CENPE: variants seen among roughly 807,000 people sequenced by gnomAD.
The protein encoded by CENPE is centromere-associated protein E.
Under a neutral mutation model 336.1 loss-of-function variants are expected in CENPE, and 145 were observed. The observed-to-expected ratio is 0.43, with a 90% CI of 0.38 to 0.50. CENPE has a LOEUF of 0.50. CENPE is among the 20% of genes least tolerant of loss of function. The probability of loss-of-function intolerance (pLI) is 0.00; values close to 1 mark genes in which losing one functional copy is unlikely to be tolerated. For synonymous variants in CENPE, 1,013 were observed against 984.8 expected, an observed-to-expected ratio of 1.03 and a Z score of -0.54; for missense variants, 2,719 against 3,023.3, an observed-to-expected ratio of 0.90 and a Z score of 2.36.
intron 31 of CENPE, 86 bp downstream of exon 31, chr4:103,145,437 A>T: frequency 7.1e-7 from 1 of 1,404,662 alleles, no homozygotes; most frequent in South Asian, 1.4e-5. Context: ...AAAACAATTA[A>T]GCATGCCAAA....
At chr4:103,129,689 A>G (rs1217384406) in intron 42 of CENPE, among the ~76,000 whole-genome samples, 1 of 151,944 alleles carries the variant, frequency 6.6e-6, no homozygotes, top group Non-Finnish European at 1.5e-5. Flanking sequence ...GTGCCATTAC[A>G]CTCCAGCCTG....
chr4:103,137,800 T>A (rs754217792), intron 39 of CENPE, among the ~76,000 whole-genome samples: 2 of 152,198 alleles, frequency 1.3e-5, no homozygotes, highest in Non-Finnish European at 2.9e-5. Context: ...ATGGTCTTCC[T>A]GCTTCCACTC....
At chr4:103,149,726 T>G (rs545844167) in intron 26 of CENPE, among the ~76,000 whole-genome samples, 2 of 152,122 alleles carry the variant, frequency 1.3e-5, no homozygotes, top group Non-Finnish European at 2.9e-5. Flanking sequence ...TAAAAGCACA[T>G]AGAGAGGCAC....
intron 42 of CENPE, among the ~76,000 whole-genome samples, chr4:103,130,911 G>GAAAAA (rs59305096): frequency 1.9e-5 from 2 of 106,842 alleles, no homozygotes; most frequent in Admixed American, 9.7e-5. Context: ...TTCTACAAGC[G>GAAAAA]AAAAAAAAAA....
intron 9 of CENPE, among the ~76,000 whole-genome samples, chr4:103,183,862 T>C (rs1205053989): frequency 1.3e-5 from 2 of 152,220 alleles, no homozygotes; most frequent in Non-Finnish European, 2.9e-5. Flanking sequence ...TTCACTGATA[T>C]CAATAGTAAC....
chr4:103,145,071 G>A lies in CENPE; in HGVS notation c.4836C>T (p.Asn1612=). ...LQIERDQLKE[N]TKEIVAKMKE... ...TTACTTTAGCTACAATTTCTTTAGT[G>A]TTTTCTTTCAGTTGGTCTCTCTCTA... Residue 1612 remains asparagine (N), a synonymous_variant, in exon 32 of 49, where the codon AAC becomes AAT. Transcript: ENST00000265148. 2 of 1,514,798 alleles carry A rather than the reference G, an allele frequency of 1.3e-6. No individual in the cohort carries two copies. Among genetic ancestry groups the A allele is most frequent in the Non-Finnish European group, 8.8e-7 (1 of 1,136,262 alleles). The allele number at this position is 1,514,798 out of a possible 1,614,324, so 93.8% of individuals were successfully genotyped here.
intron 8 of CENPE, among the ~76,000 whole-genome samples, chr4:103,193,028 T>C (rs1757486630): frequency 3.3e-5 from 5 of 151,602 alleles, no homozygotes; most frequent in Admixed American, 3.3e-4. Flanking sequence ...GGCCAGGAGA[T>C]AATCAGAAAA....
chr4:103,145,882 G>T lies in CENPE; in HGVS notation c.4360C>A (p.Leu1454Ile), dbSNP rs1753010808. The part of the protein sequence containing the change: ...KDDLQRLQEV[L>I]QSESDQLKEN... Reference sequence around the variant, plus strand: ...TTGAGCTGGTCACTTTCAGATTGAAGAACTTCTTGCAGCCTCTGTAGGTCA... The same window carrying T: ...TTGAGCTGGTCACTTTCAGATTGAATAACTTCTTGCAGCCTCTGTAGGTCA... The change falls in exon 30 of 49, where the codon CTT (leucine) becomes ATT (isoleucine). Residue 1454 changes from leucine (L) to isoleucine (I), a missense_variant. By Grantham distance (5) the Leu-to-Ile change is conservative. Transcript: ENST00000265148. 1 of 1,613,328 alleles carries T rather than the reference G, an allele frequency of 6.2e-7. No homozygotes were observed. The highest frequency in any genetic ancestry group is 1.1e-5 in the South Asian group (1 of 90,886).
intron 11 of CENPE, among the ~76,000 whole-genome samples, chr4:103,182,379 G>A (rs2126022732): frequency 6.6e-6 from 1 of 152,214 alleles, no homozygotes; most frequent in South Asian, 2.1e-4. Flanking sequence ...TAACTACCAG[G>A]AATTTCAGAA....
chr4:103,160,821 A>G, intron 20 of CENPE, 42 bp from the exon 21 acceptor site: 6 of 1,486,984 alleles, frequency 4.0e-6, no homozygotes, highest in Non-Finnish European at 5.4e-6. Context: ...CAATGTTGCC[A>G]AACAGGTAAT....
rs566404615 is a variant in CENPE, at chr4:103,123,483, C to A, written c.6925-394G>T. Among the ~76,000 whole-genome samples, 195 of 152,066 alleles carry A rather than the reference C, an allele frequency of 1.3e-3. 3 individuals carry two copies. The highest frequency in any genetic ancestry group is 4.7e-3 in the Admixed American group (72 of 15,268). ...GCAATTTAGATATGCCACCGTGAAG[C>A]TGTCAAGTGCTTCTTGTAAGTGAGA... is the stretch of plus-strand genomic sequence containing the variant. On this transcript the variant is annotated intron_variant, in intron 42 of 48. Transcript: ENST00000265148.
In CENPE at chr4:103,145,177, C is replaced by G; in HGVS notation, c.4730G>C (p.Arg1577Thr). ...TATTTCTTCTTGACTTTCTTGAAGT[C>G]TGTTGGTCAACTCGAGCATCTTACT... ...IESKMLELTN[R>T]LQESQEEIQI... The change falls in exon 32 of 49, where the codon AGA becomes ACA. Residue 1577 changes from arginine (R) to threonine (T), a missense_variant. Physicochemically the swap from Arg to Thr is moderately conservative, Grantham distance 71. Coordinates refer to ENST00000265148, the MANE Select transcript of CENPE (RefSeq NM_001813.3). 6 of 1,613,478 alleles carry G rather than the reference C, an allele frequency of 3.7e-6. No individual in the cohort carries two copies. Among genetic ancestry groups the G allele is most frequent in the Non-Finnish European group, 4.2e-6 (5 of 1,179,710 alleles).
intron 45 of CENPE, among the ~76,000 whole-genome samples, chr4:103,116,182 C>A (rs1750093742): frequency 6.6e-6 from 1 of 151,904 alleles, no homozygotes; most frequent in Non-Finnish European, 1.5e-5. Context: ...ATAATCTTCA[C>A]ACAGAAACAC....
At chr4:103,190,769 C>A (rs898257873) in intron 8 of CENPE, among the ~76,000 whole-genome samples, 1 of 152,108 alleles carries the variant, frequency 6.6e-6, no homozygotes, top group African/African-American at 2.4e-5. Flanking sequence ...AAAGCAATGA[C>A]AACAAAAGCC....
At chr4:103,188,176 A>C (rs1756969820) in intron 8 of CENPE, among the ~76,000 whole-genome samples, 1 of 152,126 alleles carries the variant, frequency 6.6e-6, no homozygotes. Flanking sequence ...AGAGACTTAG[A>C]CTCCCACACA....
In CENPE at chr4:103,194,976, T is replaced by C. The variant is rs1005688113; in HGVS notation, c.477+138A>G. ...ATTCATATTGTTTAAAAGATGAATA[T>C]AAATACTTCAAAAAAACCCTCACAT... On this transcript the variant is annotated intron_variant, in intron 5 of 48. Coordinates refer to ENST00000265148, the MANE Select transcript of CENPE (RefSeq NM_001813.3). 6 of 755,724 alleles carry C rather than the reference T, an allele frequency of 7.9e-6. No individual in the cohort carries two copies. The Admixed American group carries it at 1.3e-4, about 16-fold the overall frequency. 46.8% of individuals were successfully genotyped at this position (755,724 alleles called of 1,614,324 possible).
Position 103,133,882 on chromosome 4 carries a change from C to G in CENPE, c.6533G>C (p.Ser2178Thr), listed in dbSNP as rs1751834449. ...TTCTTCTTTTATTTTTGTAACATAG[C>G]TTAACACATACTTGCAGAAAAAAAT... is the stretch of plus-strand genomic sequence containing the variant. ...RIMKKLKYVL[S>T]YVTKIKEEQH... Residue 2178 changes from serine to threonine, a missense_variant, in exon 41 of 49, where the codon AGC (serine) becomes ACC (threonine). Ser to Thr is a moderately conservative substitution (Grantham distance 58). This residue lies in a region of CENPE where 2,437 missense variants were observed against 2,513.3 expected (regional missense o/e 0.97). Coordinates refer to ENST00000265148, the MANE Select transcript of CENPE (RefSeq NM_001813.3). 1 of 1,573,906 alleles carries G rather than the reference C, an allele frequency of 6.4e-7. No homozygotes were observed. The highest frequency in any genetic ancestry group is 1.8e-5 in the Admixed American group (1 of 56,460).
Position 103,122,891 on chromosome 4 carries a change from C to T in CENPE, c.7123G>A (p.Ala2375Thr), listed in dbSNP as rs1337414118. Residue 2375 changes from alanine (A) to threonine (T), a missense_variant, in exon 43 of 49, where the codon GCT becomes ACT. Physicochemically the swap from Ala to Thr is moderately conservative, Grantham distance 58. This residue lies in a region of CENPE where 2,437 missense variants were observed against 2,513.3 expected (regional missense o/e 0.97). Transcript: ENST00000265148. ...TATACCTCTGTGGTTAACTGTGTAG[C>T]TCTTGATGTAACATGAGGATTCTTA... ...DNKNPHVTSR[A>T]TQLTTEKIRE... 6.2e-7 allele frequency: 1 copy of T among 1,612,842 alleles called. No individual in the cohort carries two copies. The highest frequency in any genetic ancestry group is 8.5e-7 in the Non-Finnish European group (1 of 1,178,954).
chr4:103,132,767 T>C lies in CENPE; in HGVS notation c.6850A>G (p.Lys2284Glu). The C allele has an allele frequency of 1.3e-6, 2 of 1,582,750 alleles. No individual in the cohort carries two copies. The highest frequency in any genetic ancestry group is 1.7e-6 in the Non-Finnish European group (2 of 1,156,960). ...TCTTTCTGGATGCCATTTTTAAGCT[T>C]TTCTATATCAAAACGAGTATTTAAC... ...EWLNTRFDIEKLKNGIQKEND... is the reference protein window; with the variant it reads ...EWLNTRFDIEELKNGIQKEND... The change falls in exon 42 of 49, where the codon AAG becomes GAG. Residue 2284 changes from lysine (K) to glutamate (E), a missense_variant. Lys to Glu is a moderately conservative substitution (Grantham distance 56). Transcript: ENST00000265148.
Sources: gnomAD v4.1 joint callset for allele counts (sites outside exome capture counted in the v4.1 genomes callset) on GRCh38, gnomAD v4.1.1 for gene constraint, gnomAD v4.1.1 regional missense constraint, MANE v1.5 for transcripts, NCBI Gene and HGNC (gene_info 2026-07-23, HGNC 2026-07-21) for gene names.